The following CRHR2 variants were observed in gnomAD, a reference collection of about 807,000 sequenced individuals.
CRHR2 encodes the protein corticotropin-releasing hormone receptor 2.
Under a neutral mutation model 57.9 loss-of-function variants are expected in CRHR2, and 53 were observed. That is an observed-to-expected ratio of 0.92 (90% CI 0.73 to 1.15). The LOEUF (loss-of-function observed/expected upper bound fraction) is 1.15. Ranked by LOEUF, CRHR2 falls within the 50% of genes most tolerant of loss-of-function variation. CRHR2 has a pLI of 0.00. For synonymous variants in CRHR2, 213 were observed against 220.9 expected (o/e 0.96, Z 0.32); for missense variants, 532 against 542.6 (o/e 0.98, Z 0.19).
intron 2 of CRHR2, among the ~76,000 whole-genome samples, chr7:30,672,892 T>G (rs1784409412): frequency 6.6e-6 from 1 of 152,194 alleles, no homozygotes; most frequent in Non-Finnish European, 1.5e-5. Context: ...CTGGGGTCAC[T>G]CAACCATGAA....
chr7:30,682,205 C>A lies in CRHR2; in HGVS notation c.76G>T (p.Gly26Cys). Residue 26 changes from glycine (G) to cysteine (C), a missense_variant, in exon 1 of 12, where the codon GGC becomes TGC. By Grantham distance (159) the Gly-to-Cys change is radical. Transcript: ENST00000471646. ...LALAEELLLDGWGPPLDPEGP... is the reference protein window; with the variant it reads ...LALAEELLLDCWGPPLDPEGP... ...TCGGGGTCCAGGGGTGGCCCCCAGC[C>A]GTCCAAGAGCAGCTCTTCAGCCAGC... The A allele has an allele frequency of 6.3e-7, 1 of 1,587,946 alleles. No homozygotes were observed. The highest frequency in any genetic ancestry group is 8.5e-7 in the Non-Finnish European group (1 of 1,175,056).
chr7:30,686,814 G>A (rs1472312082), upstream of CRHR2, among the ~76,000 whole-genome samples: 1 of 152,166 alleles, frequency 6.6e-6, no homozygotes, highest in African/African-American at 2.4e-5. Context: ...TGCATGCGTT[G>A]CCTTTTTCAG....
At chr7:30,657,864 C>T (rs772984330) in intron 8 of CRHR2, among the ~76,000 whole-genome samples, 1 of 152,158 alleles carries the variant, frequency 6.6e-6, no homozygotes, top group Non-Finnish European at 1.5e-5. Flanking sequence ...AATTATCCAC[C>T]TACTGTTTTA....
chr7:30,671,276 T>G (rs2128144360), intron 2 of CRHR2, among the ~76,000 whole-genome samples: 1 of 152,292 alleles, frequency 6.6e-6, no homozygotes, highest in South Asian at 2.1e-4. Flanking sequence ...CAAGCTATTG[T>G]GACAACTCCA....
upstream of CRHR2, chr7:30,686,650 A>G (rs1330282571): frequency 1.1e-5 from 9 of 815,144 alleles, no homozygotes; most frequent in Non-Finnish European, 1.8e-5. Flanking sequence ...TAAATAGTCC[A>G]TTTGGATTTT....
chr7:30,683,265 A>C (rs926242097), upstream of CRHR2, among the ~76,000 whole-genome samples: 2 of 152,222 alleles, frequency 1.3e-5, no homozygotes, highest in Non-Finnish European at 2.9e-5. Context: ...GAAAGAATAA[A>C]GGAAGAAGTG....
chr7:30,699,800 C>A (rs1352060434), intron 1 of CRHR2: 1 of 579,812 alleles, frequency 1.7e-6, no homozygotes, highest in Non-Finnish European at 2.8e-6. Flanking sequence ...CACCCAGGCA[C>A]GGGATCTCCA....
upstream of CRHR2, among the ~76,000 whole-genome samples, chr7:30,687,062 T>G (rs1784870016): frequency 6.6e-6 from 1 of 152,230 alleles, no homozygotes; most frequent in South Asian, 2.1e-4. Flanking sequence ...CTATTGCATT[T>G]GTCATTCTCT....
At chr7:30,690,646 A>AT (rs1784943243) in intron 1 of CRHR2, among the ~76,000 whole-genome samples, 2 of 152,092 alleles carry the variant, frequency 1.3e-5, no homozygotes, top group South Asian at 4.1e-4. Flanking sequence ...CGTTCTCCAC[A>AT]TTGGGCTCAG....
intron 1 of CRHR2, among the ~76,000 whole-genome samples, chr7:30,692,426 G>A (rs77400975): frequency 1.8e-3 from 280 of 152,240 alleles, no homozygotes; most frequent in African/African-American, 6.5e-3. Flanking sequence ...CACTGAGCTC[G>A]CCCCTCAGCG....
At chr7:30,688,552 G>A (rs1455802047) in intron 2 of CRHR2, among the ~76,000 whole-genome samples, 1 of 152,166 alleles carries the variant, frequency 6.6e-6, no homozygotes, top group South Asian at 2.1e-4. Flanking sequence ...CTGGGTCTGG[G>A]TGCTGGCCAG....
intron 2 of CRHR2, among the ~76,000 whole-genome samples, chr7:30,677,640 G>T (rs555982912): frequency 2.6e-5 from 4 of 152,302 alleles, no homozygotes; most frequent in Non-Finnish European, 5.9e-5. Context: ...CTTGTAGCCA[G>T]AGCTTTGGCA....
At chr7:30,667,589 G>A (rs1176002706) in intron 2 of CRHR2, among the ~76,000 whole-genome samples, 1 of 152,222 alleles carries the variant, frequency 6.6e-6, no homozygotes, top group African/African-American at 2.4e-5. Context: ...CTTCAAAACT[G>A]AATCCAACTG....
rs1198910473 is a variant in CRHR2 at position 30,653,487 on chromosome 7, G to A, written c.1209C>T (p.His403=). 1 of 1,613,612 alleles carries A rather than the reference G, an allele frequency of 6.2e-7. No homozygotes were observed. Among genetic ancestry groups the A allele is most frequent in the Non-Finnish European group, 8.5e-7 (1 of 1,179,956 alleles). ...IPTSPTRISF[H]SIKQTAAV ...ACACAGCGGCCGTCTGCTTGATGCT[G>A]TGGAAGCTGATCCGTGTGGGTGATG... The change falls in exon 12 of 12, where the codon CAC becomes CAT. Residue 403 remains histidine (H), a synonymous_variant. Coordinates refer to ENST00000471646, the MANE Select transcript of CRHR2 (RefSeq NM_001883.5). This position sits in a 1 kb window ranked among gnomAD's most constrained non-coding sequence, Gnocchi z 5.0.
At chr7:30,682,481 C>T (rs1284519534), upstream of CRHR2, 3 of 1,324,180 alleles carry the variant, frequency 2.3e-6, no homozygotes, top group Middle Eastern at 2.8e-4. Context: ...AGAGGAGCCG[C>T]CGAGTGCACG....
chr7:30,686,280 C>T, upstream of CRHR2: 1 of 1,355,928 alleles, frequency 7.4e-7, no homozygotes, highest in Non-Finnish European at 9.5e-7. Context: ...CATCTACCAG[C>T]CCATGCCTCC....
rs779991159 is a variant in CRHR2, at chr7:30,665,105, G to A, written c.508C>T (p.Gln170Ter). Residue 170 changes from glutamine (Q) to a stop codon, truncating the protein, a stop_gained, in exon 5 of 12, where the codon CAG becomes TAG. Transcript: ENST00000471646. LOFTEE classifies it high-confidence loss of function. The surrounding 1 kb of genome is among the most constrained non-coding windows in gnomAD (Gnocchi z 4.5). ...ILRNVMWFLLQLVDHEVHESN... is the reference protein window; with the variant it reads ...ILRNVMWFLL ...TCGTGCACTTCATGGTCAACGAGCTGCAGCAGGAACCACATGACATTTCGC... is the reference window on the plus strand; with the variant it reads ...TCGTGCACTTCATGGTCAACGAGCTACAGCAGGAACCACATGACATTTCGC... 2 of 1,614,080 alleles carry A rather than the reference G, an allele frequency of 1.2e-6. No homozygotes were observed. Among genetic ancestry groups the A allele is most frequent in the Non-Finnish European group, 1.7e-6 (2 of 1,180,016 alleles).
In CRHR2 at chr7:30,655,447, G is replaced by A. The variant is rs948838246; in HGVS notation, c.1053+133C>T. The stretch of plus-strand genomic sequence containing the variant: ...GGCCAGGCTCAGGCTGAGCATGTAC[G>A]GGCTTCTAACTCTGTGGATGTAACT... On this transcript the variant is annotated intron_variant, in intron 10 of 11. Coordinates refer to ENST00000471646, the MANE Select transcript of CRHR2 (RefSeq NM_001883.5). 3.2e-5 allele frequency: 37 copies of A among 1,148,836 alleles called. No individual in the cohort carries two copies. In the African/African-American group the frequency reaches 4.5e-4, roughly 14 times the overall value. 71.2% of individuals were successfully genotyped at this position (1,148,836 alleles called of 1,614,324 possible). A position where few individuals can be genotyped will look rare whatever the true frequency, so the allele number is the denominator to read the frequency against.
Position 30,656,120 on chromosome 7 carries a change from C to T in CRHR2, c.832-108G>A, listed in dbSNP as rs543500428. 19 of 955,332 alleles carry T rather than the reference C, an allele frequency of 2.0e-5. No homozygotes were observed. The highest frequency in any genetic ancestry group is 2.8e-4 in the Middle Eastern group (1 of 3,544). 59.2% of individuals were successfully genotyped at this position (955,332 alleles called of 1,614,324 possible). The stretch of plus-strand genomic sequence containing the variant: ...CAGACCCCTGGAAACCGATGTCCCA[C>T]GCACACACCTATCCTACCTGTCCCC... On this transcript the variant is annotated intron_variant, in intron 8 of 11. Transcript: ENST00000471646. This position sits in a 1 kb window ranked among gnomAD's most constrained non-coding sequence, Gnocchi z 4.4.
Sources: gnomAD v4.1 joint callset for allele counts (sites outside exome capture counted in the v4.1 genomes callset) on GRCh38, gnomAD v4.1.1 for gene constraint, Gnocchi (gnomAD v3.1) non-coding constraint, MANE v1.5 for transcripts, NCBI Gene and HGNC (gene_info 2026-07-23, HGNC 2026-07-21) for gene names.